RAB27A: variants seen among roughly 807,000 people sequenced by gnomAD.
RAB27A encodes the protein ras-related protein Rab-27A.
RAB27A carries 17 observed loss-of-function variants against 20.8 expected under a neutral mutation model. The ratio of observed to expected loss-of-function variants is 0.82; its 90% CI spans 0.56 to 1.23. RAB27A has a LOEUF of 1.23. RAB27A is among the 50% of genes most tolerant of loss of function. The pLI is 0.00. For missense variants in RAB27A, 277 were observed against 266.7 expected, an observed-to-expected ratio of 1.04 and a Z score of -0.27; for synonymous variants, 85 against 92.8, an observed-to-expected ratio of 0.92 and a Z score of 0.48.
chr15:55,312,954 T>C (rs11636687), intron 2 of RAB27A, among the ~76,000 whole-genome samples: 41,686 of 151,996 alleles, frequency 0.27, 6,789 homozygotes, highest in East Asian at 0.55. Context: ...TCTCTCTCTC[T>C]CCTACACTCT....
chr15:55,209,648 A>G (rs1277794832), intron 6 of RAB27A, among the ~76,000 whole-genome samples: 1 of 149,420 alleles, frequency 6.7e-6, no homozygotes, highest in East Asian at 2.0e-4. Context: ...ACATCTCTAT[A>G]TATCTTTTGG....
chr15:55,207,464 T>G (rs1240435151), intron 6 of RAB27A, among the ~76,000 whole-genome samples: 1 of 152,180 alleles, frequency 6.6e-6, no homozygotes, highest in Non-Finnish European at 1.5e-5. Flanking sequence ...TTTATCCCAG[T>G]GAGCTGTACA....
chr15:55,245,461 T>A (rs1029028507), intron 2 of RAB27A, among the ~76,000 whole-genome samples: 11 of 152,354 alleles, frequency 7.2e-5, no homozygotes, highest in South Asian at 4.1e-4. Context: ...TATTAAAAGA[T>A]GAGTTTGATT....
At chr15:55,290,261 C>A (rs907779334), upstream of RAB27A, 1 of 152,236 alleles carries the variant, frequency 6.6e-6, no homozygotes. Context: ...CCGGCCCCGC[C>A]CGAGGTTCCC....
intron 1 of RAB27A, among the ~76,000 whole-genome samples, chr15:55,316,702 A>G (rs2055045877): frequency 6.6e-6 from 1 of 152,228 alleles, no homozygotes; most frequent in Admixed American, 6.5e-5. Context: ...TTCATAATAA[A>G]TTAACTACTC....
chr15:55,209,813 C>CATATCACAT (rs1555391641), intron 6 of RAB27A, among the ~76,000 whole-genome samples: 1 of 108,260 alleles, frequency 9.2e-6, no homozygotes, highest in African/African-American at 6.6e-5. Flanking sequence ...TATATACACA[C>CATATCACAT]ATGTGTGTAT....
In RAB27A at chr15:55,223,765, A is replaced by G; in HGVS notation, c.467+124T>C. 3.4e-6 allele frequency: 4 copies of G among 1,182,706 alleles called. No individual in the cohort carries two copies. In the South Asian group the frequency reaches 3.7e-5, roughly 11 times the overall value. 73.3% of individuals were successfully genotyped at this position (1,182,706 alleles called of 1,614,324 possible). On this transcript the variant is annotated intron_variant, in intron 6 of 6. Coordinates refer to ENST00000336787, the MANE Select transcript of RAB27A (RefSeq NM_183235.3). ...ATCATATAAAAAGGACACATTCAAC[A>G]TGCCCCAAGGCCTATGGCTGAGGTT... is the stretch of plus-strand genomic sequence containing the variant.
chr15:55,282,764 T>C (rs553053215), intron 1 of RAB27A, among the ~76,000 whole-genome samples: 114 of 152,200 alleles, frequency 7.5e-4, no homozygotes, highest in African/African-American at 2.5e-3. Context: ...AGCCTCTCAC[T>C]TCCTCCTGCT....
intron 1 of RAB27A, among the ~76,000 whole-genome samples, chr15:55,285,467 T>C (rs1301587130): frequency 1.3e-5 from 2 of 152,178 alleles, no homozygotes; most frequent in Non-Finnish European, 2.9e-5. Flanking sequence ...CAGAGCTGAA[T>C]GCTCTCTACT....
chr15:55,222,405 C>A (rs1359292636), intron 6 of RAB27A, among the ~76,000 whole-genome samples: 1 of 152,180 alleles, frequency 6.6e-6, no homozygotes, highest in Admixed American at 6.5e-5. Flanking sequence ...CTAGCCTCTG[C>A]CCACCTCACA....
intron 2 of RAB27A, among the ~76,000 whole-genome samples, chr15:55,299,540 C>G (rs1285981018): frequency 6.7e-6 from 1 of 149,446 alleles, no homozygotes; most frequent in Non-Finnish European, 1.5e-5. Flanking sequence ...TTGCAGTGAG[C>G]CAAGATCACA....
At chr15:55,255,036 T>C (rs975476957) in intron 2 of RAB27A, among the ~76,000 whole-genome samples, 3 of 152,256 alleles carry the variant, frequency 2.0e-5, no homozygotes, top group Non-Finnish European at 2.9e-5. Flanking sequence ...CACACCTCTA[T>C]GCACAGATGA....
At chr15:55,254,757 G>A (rs1039761838) in intron 2 of RAB27A, among the ~76,000 whole-genome samples, 1 of 152,136 alleles carries the variant, frequency 6.6e-6, no homozygotes, top group Non-Finnish European at 1.5e-5. Context: ...CAGTGGAAGG[G>A]GTTTTACATT....
At chr15:55,209,795 T>G (rs989917696) in intron 6 of RAB27A, among the ~76,000 whole-genome samples, 1 of 131,970 alleles carries the variant, frequency 7.6e-6, no homozygotes. Context: ...TATGTGTGTA[T>G]GTATACATAT....
intron 1 of RAB27A, among the ~76,000 whole-genome samples, chr15:55,279,659 A>G (rs1276897096): frequency 6.6e-6 from 1 of 152,232 alleles, no homozygotes; most frequent in Non-Finnish European, 1.5e-5. Flanking sequence ...TGAAATAAGT[A>G]ATAGCCTCAC....
At chr15:55,282,179 C>T (rs957161768) in intron 1 of RAB27A, among the ~76,000 whole-genome samples, 7 of 152,216 alleles carry the variant, frequency 4.6e-5, no homozygotes, top group Non-Finnish European at 1.0e-4. Flanking sequence ...CTAGATGTCA[C>T]TTCTTTTGAA....
intron 2 of RAB27A, among the ~76,000 whole-genome samples, chr15:55,306,175 C>A (rs2054996216): frequency 6.6e-6 from 1 of 152,152 alleles, no homozygotes; most frequent in South Asian, 2.1e-4. Flanking sequence ...CTAAATTTTA[C>A]ACAGGTGAGG....
At chr15:55,302,286 G>A (rs1162987940) in intron 2 of RAB27A, among the ~76,000 whole-genome samples, 1 of 152,126 alleles carries the variant, frequency 6.6e-6, no homozygotes, top group Non-Finnish European at 1.5e-5. Context: ...TGTTGGCCGG[G>A]CCGGTCTCCA....
At position 55,278,772 on chromosome 15, in the gene RAB27A, G is replaced by A. The variant is rs560139400; in HGVS notation, c.-142-8488C>T. On this transcript the variant is annotated intron_variant, in intron 1 of 6. Transcript: ENST00000336787. ...GCTGGGATTACAGGCGTGAGCCACC[G>A]CACCTGGCCCAGTCTTCTAATTATT... Among the ~76,000 whole-genome samples, 25 of 152,240 alleles carry A rather than the reference G, an allele frequency of 1.6e-4. No homozygotes were observed. In the East Asian group the frequency reaches 4.3e-3, roughly 26 times the overall value.
Sources: allele counts gnomAD v4.1 joint callset (sites outside exome capture counted in the v4.1 genomes callset), GRCh38; gene constraint gnomAD v4.1.1; transcripts MANE v1.5; gene names NCBI Gene and HGNC (gene_info 2026-07-23, HGNC 2026-07-21).